Variants in ZNF273 observed in about 807,000 individuals in gnomAD.
The protein encoded by ZNF273 is zinc finger protein 273.
In ZNF273, 11 loss-of-function variants were observed where a neutral mutation model predicts 14.9. That is an observed-to-expected ratio of 0.74 (90% CI 0.46 to 1.22). The LOEUF (loss-of-function observed/expected upper bound fraction) is 1.22. Ranked by LOEUF, ZNF273 falls within the 50% of genes most tolerant of loss-of-function variation. ZNF273 has a pLI of 0.00. For missense variants in ZNF273, 577 were observed against 660.6 expected (o/e 0.87, Z 1.39); for synonymous variants, 199 against 223.9 (o/e 0.89, Z 0.99).
intron 3 of ZNF273, chr7:64,923,764 A>C (rs184873111): frequency 5.9e-6 from 1 of 170,476 alleles, no homozygotes; most frequent in Non-Finnish European, 1.3e-5. Context: ...ATGACTCTTC[A>C]TATGACCACA....
intron 1 of ZNF273, among the ~76,000 whole-genome samples, chr7:64,906,553 A>G (rs992777543): frequency 1.3e-5 from 2 of 152,202 alleles, no homozygotes; most frequent in African/African-American, 4.8e-5. Context: ...GCTTCAGCCC[A>G]GTGACTCTAA....
chr7:64,912,832 TTTTTTTTTTTTTTTGAGATTGA>T (rs1793652656), intron 1 of ZNF273, among the ~76,000 whole-genome samples: 3 of 61,198 alleles, frequency 4.9e-5, no homozygotes, highest in Non-Finnish European at 6.6e-5. Context: ...TTTAGTTTTT[TTTTTTTTTTTTTTTGAGATTGA>T]GTTTCGCTCT....
At chr7:64,894,300 C>T (rs1201171055), downstream of ZNF273, among the ~76,000 whole-genome samples, 2 of 137,546 alleles carry the variant, frequency 1.5e-5, no homozygotes, top group Non-Finnish European at 3.2e-5. Context: ...CCTCCATGTC[C>T]GGCCAATCAT....
At chr7:64,885,746 A>G (rs931332403) in intron 1 of ZNF273, among the ~76,000 whole-genome samples, 3 of 152,188 alleles carry the variant, frequency 2.0e-5, no homozygotes, top group South Asian at 4.1e-4. Context: ...CGCCCACGGA[A>G]AAGCTTCTAA....
At position 64,928,271 on chromosome 7, in the gene ZNF273, A is replaced by G. The variant is rs774873657; in HGVS notation, c.943A>G (p.Thr315Ala). The change falls in exon 4 of 4, where the codon ACA becomes GCA. Residue 315 changes from threonine (T) to alanine (A), a missense_variant. Physicochemically the swap from Thr to Ala is moderately conservative, Grantham distance 58. This residue lies in a region of ZNF273 where 411 missense variants were observed against 440.4 expected (regional missense o/e 0.93). Coordinates refer to ENST00000476120, the MANE Select transcript of ZNF273 (RefSeq NM_021148.3). ...LTKHKIIHTG[T>A]KPYNCEECGK... is the part of the protein sequence containing the mutation. ...TAAACATAAGATAATTCATACAGGA[A>G]CAAAACCCTACAATTGTGAAGAATG... 6 of 1,612,486 alleles carry G rather than the reference A, an allele frequency of 3.7e-6. No homozygotes were observed. In the East Asian group the frequency reaches 1.1e-4, roughly 30 times the overall value.
intron 3 of ZNF273, among the ~76,000 whole-genome samples, chr7:64,920,647 G>A (rs368962709): frequency 3.3e-4 from 50 of 152,296 alleles, no homozygotes; most frequent in Admixed American, 1.9e-3. Flanking sequence ...GCAAAGAACA[G>A]GGGTCCTGTA....
In ZNF273 at chr7:64,928,738, C is replaced by G; in HGVS notation, c.1410C>G (p.Phe470Leu). The change falls in exon 4 of 4, where the codon TTC becomes TTG. Residue 470 changes from phenylalanine to leucine, a missense_variant. Physicochemically the swap from Phe to Leu is conservative, Grantham distance 22 (BLOSUM62 0). Transcript: ENST00000476120. The stretch of plus-strand genomic sequence containing the variant: ...AATGTGGCAGTGCCTTTAGGGCATT[C>G]TCAACCCTTACTGAACATAAGAGAG... ...CEECGSAFRA[F>L]STLTEHKRVH... 6.2e-7 allele frequency: 1 copy of G among 1,611,230 alleles called. No homozygotes were observed. Among genetic ancestry groups the G allele is most frequent in the South Asian group, 1.1e-5 (1 of 90,736 alleles).
At chr7:64,913,166 A>G (rs1183949714) in intron 1 of ZNF273, among the ~76,000 whole-genome samples, 1 of 152,154 alleles carries the variant, frequency 6.6e-6, no homozygotes, top group East Asian at 1.9e-4. Context: ...AGATCCAGTG[A>G]TTGTTTCACA....
chr7:64,898,352 GAAGAACA>G (rs1792486216), upstream of ZNF273, among the ~76,000 whole-genome samples: 1 of 152,174 alleles, frequency 6.6e-6, no homozygotes, highest in Admixed American at 6.5e-5. Context: ...TGATGACAGT[GAAGAACA>G]CTCGTTTGAG....
intron 1 of ZNF273, among the ~76,000 whole-genome samples, chr7:64,909,102 T>TA (rs921329765): frequency 6.6e-6 from 1 of 152,076 alleles, no homozygotes; most frequent in African/African-American, 2.4e-5. Context: ...TTTTTGTACG[T>TA]ACGGGGTTTT....
At chr7:64,917,744 C>T in intron 2 of ZNF273, 37 bp downstream of exon 2, 1 of 1,526,062 alleles carries the variant, frequency 6.6e-7, no homozygotes, top group Non-Finnish European at 8.8e-7. Context: ...AAAGGTTTCA[C>T]TTCTCCTTTC....
At chr7:64,923,235 A>G (rs192620780) in intron 3 of ZNF273, 20 of 418,208 alleles carry the variant, frequency 4.8e-5, no homozygotes, top group African/African-American at 3.6e-4. Flanking sequence ...ATTTTGCATA[A>G]TGTCATCAAG....
intron 3 of ZNF273, among the ~76,000 whole-genome samples, chr7:64,919,502 C>T (rs1794276211): frequency 6.6e-6 from 1 of 151,782 alleles, no homozygotes; most frequent in Admixed American, 6.6e-5. Context: ...ATAAGCTGGA[C>T]GTGGTGGTGT....
chr7:64,899,285 C>T (rs190090050), upstream of ZNF273, among the ~76,000 whole-genome samples: 245 of 152,348 alleles, frequency 1.6e-3, no homozygotes, highest in African/African-American at 5.6e-3. Flanking sequence ...TTAATTTTAT[C>T]CCATTTAAAA....
chr7:64,879,139 G>T (rs1200217404), intron 2 of ZNF273, among the ~76,000 whole-genome samples: 2 of 152,170 alleles, frequency 1.3e-5, no homozygotes, highest in Admixed American at 6.5e-5. Context: ...TTGTGGAGAG[G>T]GTCTTTCATT....
chr7:64,921,999 C>T (rs375411744), intron 3 of ZNF273, among the ~76,000 whole-genome samples: 21 of 152,046 alleles, frequency 1.4e-4, no homozygotes, highest in African/African-American at 4.6e-4. Context: ...ACTATTTTCA[C>T]GGAACATAGA....
intron 2 of ZNF273, among the ~76,000 whole-genome samples, chr7:64,879,275 G>A (rs1026155356): frequency 2.0e-5 from 3 of 152,184 alleles, no homozygotes; most frequent in Non-Finnish European, 4.4e-5. Flanking sequence ...TCGTTGTGGG[G>A]ACTGGGGTGG....
intron 1 of ZNF273, among the ~76,000 whole-genome samples, chr7:64,885,499 G>A (rs1461795272): frequency 6.6e-6 from 1 of 152,206 alleles, no homozygotes; most frequent in East Asian, 1.9e-4. Flanking sequence ...GTGATATGAG[G>A]TCCCACTATC....
chr7:64,934,742 A>G (rs1166939028), downstream of ZNF273, among the ~76,000 whole-genome samples: 1 of 152,104 alleles, frequency 6.6e-6, no homozygotes, highest in Non-Finnish European at 1.5e-5. Context: ...CAGGTAGGGT[A>G]ATAACTTTAG....
Sources: allele counts gnomAD v4.1 joint callset (sites outside exome capture counted in the v4.1 genomes callset), GRCh38; gene constraint gnomAD v4.1.1; regional missense constraint gnomAD v4.1.1; transcripts MANE v1.5; gene names NCBI Gene and HGNC (gene_info 2026-07-23, HGNC 2026-07-21).